SHC3: variants seen among roughly 807,000 people sequenced by gnomAD.
The protein encoded by SHC3 is SHC adaptor protein 3, also known as SHC-transforming protein 3.
In SHC3, 15 loss-of-function variants were observed where a neutral mutation model predicts 60.4. The observed-to-expected ratio is 0.25, with a 90% CI of 0.17 to 0.38. The LOEUF (loss-of-function observed/expected upper bound fraction) is 0.38. Ranked by LOEUF, SHC3 falls within the 10% of genes least tolerant of loss-of-function variation. The pLI is 1.00. For synonymous variants in SHC3, 294 were observed against 325.9 expected, an observed-to-expected ratio of 0.90 and a Z score of 1.05; for missense variants, 677 against 786.1, an observed-to-expected ratio of 0.86 and a Z score of 1.66.
In SHC3 at chr9:89,085,998, C is replaced by T. The variant is rs12348852; in HGVS notation, c.546-8095G>A. On this transcript the variant is annotated intron_variant, in intron 2 of 11. Coordinates refer to ENST00000375835, the MANE Select transcript of SHC3 (RefSeq NM_016848.6). ...TTAACAACCAAACGTGCAGTGGGGG[C>T]TTTCTGTGAGGGTTAAATGACACAT... is the stretch of plus-strand genomic sequence containing the variant. Among the ~76,000 whole-genome samples, 197 of 152,334 alleles carry T rather than the reference C, an allele frequency of 1.3e-3. 1 individual carries two copies. Among genetic ancestry groups the T allele is most frequent in the African/African-American group, 4.6e-3 (193 of 41,572 alleles).
At chr9:89,117,957 A>G (rs1826040386) in intron 1 of SHC3, among the ~76,000 whole-genome samples, 1 of 152,128 alleles carries the variant, frequency 6.6e-6, no homozygotes, top group Non-Finnish European at 1.5e-5. Context: ...AGTATATTAA[A>G]TACCTATTTC....
intron 1 of SHC3, among the ~76,000 whole-genome samples, chr9:89,126,024 C>A (rs986164167): frequency 6.6e-6 from 1 of 152,084 alleles, no homozygotes; most frequent in African/African-American, 2.4e-5. Flanking sequence ...ATCCAAGAAC[C>A]CTCTCTTGGG....
At chr9:89,097,048 A>G (rs1422451665) in intron 2 of SHC3, among the ~76,000 whole-genome samples, 1 of 148,520 alleles carries the variant, frequency 6.7e-6, no homozygotes. Context: ...AGCAGCGAGG[A>G]GGCCACCAGC....
intron 6 of SHC3, among the ~76,000 whole-genome samples, chr9:89,059,616 C>A (rs182771280): frequency 5.9e-5 from 4 of 67,972 alleles, no homozygotes; most frequent in African/African-American, 1.9e-4. Flanking sequence ...TGGTGCAGGG[C>A]GGTGGTGGAG....
intron 2 of SHC3, among the ~76,000 whole-genome samples, chr9:89,087,465 C>T (rs964996768): frequency 2.0e-5 from 3 of 152,156 alleles, no homozygotes; most frequent in Non-Finnish European, 4.4e-5. Context: ...CCTCCCCCTG[C>T]TCTTGGGGTG....
At chr9:89,074,773 C>T (rs1283872121) in intron 4 of SHC3, among the ~76,000 whole-genome samples, 4 of 149,110 alleles carry the variant, frequency 2.7e-5, no homozygotes, top group African/African-American at 9.8e-5. Flanking sequence ...TAAAATATGG[C>T]CTGTAAAACC....
At chr9:89,171,371 G>C (rs1826866780) in intron 1 of SHC3, among the ~76,000 whole-genome samples, 1 of 152,180 alleles carries the variant, frequency 6.6e-6, no homozygotes, top group African/African-American at 2.4e-5. Flanking sequence ...ATAAAATGAA[G>C]TTTGTCAGAA....
Position 89,069,696 on chromosome 9 carries a change from C to T in SHC3, c.783+1503G>A, listed in dbSNP as rs1011627537. Among the ~76,000 whole-genome samples, 16 of 152,246 alleles carry T rather than the reference C, an allele frequency of 1.1e-4. No homozygotes were observed. The South Asian group carries it at 3.1e-3, about 30-fold the overall frequency. On this transcript the variant is annotated intron_variant, in intron 5 of 11. Coordinates refer to ENST00000375835, the MANE Select transcript of SHC3 (RefSeq NM_016848.6). ...AAGCAGCAGGGCCCAAGCCTCTCCA[C>T]GGCAGCTCGTGCTGGCCCAGGCAGG...
At chr9:89,119,569 G>A (rs1486907216) in intron 1 of SHC3, among the ~76,000 whole-genome samples, 2 of 152,102 alleles carry the variant, frequency 1.3e-5, no homozygotes, top group African/African-American at 4.8e-5. Context: ...TGAATTTAAT[G>A]AGAAATGTAC....
chr9:89,075,124 A>G lies in SHC3; in HGVS notation c.714T>C (p.Thr238=). Residue 238 remains threonine, a synonymous_variant, in exon 4 of 12, where the codon ACT becomes ACC. Transcript: ENST00000375835. The part of the protein sequence containing the change: ...TISTASLNLR[T]PDSKQIIANH... ...ACCCATGTACCTGTTTGGAGTCCGG[A>G]GTTCGCAGGTTCAGACTGGCCGTGG... 5 of 1,614,032 alleles carry G rather than the reference A, an allele frequency of 3.1e-6. No homozygotes were observed. Among genetic ancestry groups the G allele is most frequent in the Non-Finnish European group, 4.2e-6 (5 of 1,179,950 alleles).
intron 1 of SHC3, among the ~76,000 whole-genome samples, chr9:89,151,990 C>T (rs1481844225): frequency 6.6e-6 from 1 of 152,148 alleles, no homozygotes; most frequent in Non-Finnish European, 1.5e-5. Flanking sequence ...AAGGTTGTGC[C>T]CAGACTTCTG....
chr9:89,131,821 T>C (rs1210773414), intron 1 of SHC3, among the ~76,000 whole-genome samples: 1 of 152,126 alleles, frequency 6.6e-6, no homozygotes, highest in East Asian at 1.9e-4. Flanking sequence ...AGGCAAAAAC[T>C]GGAAGCATTC....
intron 11 of SHC3, among the ~76,000 whole-genome samples, chr9:89,019,939 G>A (rs1165964264): frequency 3.9e-5 from 6 of 152,142 alleles, no homozygotes; most frequent in Non-Finnish European, 5.9e-5. Flanking sequence ...AGAAGCTGGA[G>A]GAAGTGAGGT....
Position 89,011,455 on chromosome 9 carries a change from T to C in SHC3, c.*1992A>G, listed in dbSNP as rs1826012691. ...TGCATGAATGTAGAAAGAAGGTCAT[T>C]TCGCACATTTTTCTATGTGGTGCAC... On this transcript the variant is annotated 3_prime_UTR_variant, in exon 12 of 12. Coordinates refer to ENST00000375835, the MANE Select transcript of SHC3 (RefSeq NM_016848.6). 6.6e-6 allele frequency: 1 copy of C among 152,246 alleles called. No homozygotes were observed. The highest frequency in any genetic ancestry group is 2.4e-5 in the African/African-American group (1 of 41,460). The allele number at this position is 152,246 out of a possible 1,614,324, so 9.4% of individuals were successfully genotyped here.
At chr9:89,066,580 C>A (rs983783868) in intron 5 of SHC3, among the ~76,000 whole-genome samples, 1 of 152,106 alleles carries the variant, frequency 6.6e-6, no homozygotes, top group East Asian at 1.9e-4. Flanking sequence ...ATCTTAACTC[C>A]TGAAAGCAGA....
intron 5 of SHC3, among the ~76,000 whole-genome samples, chr9:89,070,684 TACTC>T (rs1331163176): frequency 6.6e-6 from 1 of 152,154 alleles, no homozygotes; most frequent in Non-Finnish European, 1.5e-5. Context: ...GTCTTCTTCT[TACTC>T]TCTCTCTCTC....
intron 2 of SHC3, among the ~76,000 whole-genome samples, chr9:89,081,298 A>G (rs1428406428): frequency 3.3e-5 from 5 of 152,190 alleles, no homozygotes; most frequent in Non-Finnish European, 7.3e-5. Context: ...GAAAGGCAAT[A>G]CACATGGCTC....
rs376040873 is a variant in SHC3 at position 89,095,114 on chromosome 9, G to A, written c.546-17211C>T. ...CATATGATCCAGCAACCCCACTTCTGAGTACATACCCAAAATAAGTGATAG... is the reference window on the plus strand; with the variant it reads ...CATATGATCCAGCAACCCCACTTCTAAGTACATACCCAAAATAAGTGATAG... On this transcript the variant is annotated intron_variant, in intron 2 of 11. Transcript: ENST00000375835. Among the ~76,000 whole-genome samples the A allele has an allele frequency of 3.9e-5, 6 of 152,084 alleles. No homozygotes were observed. The East Asian group carries it at 1.2e-3, about 29-fold the overall frequency.
chr9:89,140,343 C>T (rs571665157), intron 1 of SHC3, among the ~76,000 whole-genome samples: 1 of 152,106 alleles, frequency 6.6e-6, no homozygotes, highest in East Asian at 1.9e-4. Flanking sequence ...ATTCCCCCCC[C>T]CAGATTAAGG....
Sources: allele counts gnomAD v4.1 joint callset (sites outside exome capture counted in the v4.1 genomes callset), GRCh38; gene constraint gnomAD v4.1.1; transcripts MANE v1.5; gene names NCBI Gene and HGNC (gene_info 2026-07-23, HGNC 2026-07-21).